CALN1: variants seen among roughly 807,000 people sequenced by gnomAD.
The protein encoded by CALN1 is calneuron 1.
A neutral mutation model predicts 30.6 loss-of-function variants in CALN1; 17 were observed. That is an observed-to-expected ratio of 0.56 (90% confidence interval 0.38 to 0.83). CALN1 has a LOEUF of 0.83. Ranked by LOEUF, CALN1 falls within the 40% of genes least tolerant of loss-of-function variation. CALN1 has a pLI of 0.00. For missense variants in CALN1, 291 were observed against 354.9 expected (o/e 0.82, Z 1.45); for synonymous variants, 156 against 131.4 (o/e 1.19, Z -1.28).
intron 5 of CALN1, among the ~76,000 whole-genome samples, chr7:71,841,485 G>A (rs773959990): frequency 6.7e-6 from 1 of 149,128 alleles, no homozygotes; most frequent in Non-Finnish European, 1.5e-5. Context: ...ACTCAGCCCA[G>A]CAATCTGATT....
intron 4 of CALN1, among the ~76,000 whole-genome samples, chr7:72,040,633 A>T (rs1286968885): frequency 6.6e-6 from 1 of 152,248 alleles, no homozygotes; most frequent in Non-Finnish European, 1.5e-5. Flanking sequence ...AAATTGTCTC[A>T]TAACTATGGA....
chr7:72,295,674 T>C (rs1317200435), intron 2 of CALN1, among the ~76,000 whole-genome samples: 1 of 146,448 alleles, frequency 6.8e-6, no homozygotes, highest in Non-Finnish European at 1.5e-5. Flanking sequence ...TGTCTGTTGT[T>C]GGTGTATAAG....
At chr7:72,473,537 T>A in the CALN1 span, among the ~76,000 whole-genome samples, 2,249 of 152,238 alleles carry the variant, frequency 0.015, 70 homozygotes, top group African/African-American at 0.051. Flanking sequence ...CTCATGTAAA[T>A]GTAAAATGAA....
At chr7:72,128,098 AC>A (rs1808893536) in intron 3 of CALN1, among the ~76,000 whole-genome samples, 1 of 152,114 alleles carries the variant, frequency 6.6e-6, no homozygotes, top group Non-Finnish European at 1.5e-5. Flanking sequence ...AAGTGTGCAC[AC>A]CCTGGACCCA....
At chr7:72,407,969 A>C (rs769974222) in intron 1 of CALN1, among the ~76,000 whole-genome samples, 7 of 152,148 alleles carry the variant, frequency 4.6e-5, no homozygotes, top group Non-Finnish European at 1.0e-4. Flanking sequence ...GAGAGTATCC[A>C]AGAAGGGAGA....
intron 5 of CALN1, among the ~76,000 whole-genome samples, chr7:71,866,873 G>A (rs1562854875): frequency 6.6e-6 from 1 of 152,174 alleles, no homozygotes; most frequent in African/African-American, 2.4e-5. Flanking sequence ...GGCCGAGTGT[G>A]GTGGCTCACG....
intron 2 of CALN1, among the ~76,000 whole-genome samples, chr7:72,375,721 ATCC>A (rs968997636): frequency 5.3e-5 from 8 of 152,154 alleles, no homozygotes; most frequent in African/African-American, 1.9e-4. Flanking sequence ...GCCTCAAGCA[ATCC>A]TCCTGCCTTG....
chr7:72,110,272 A>C (rs1017600429), intron 3 of CALN1, among the ~76,000 whole-genome samples: 13 of 152,156 alleles, frequency 8.5e-5, no homozygotes, highest in Non-Finnish European at 1.5e-5. Flanking sequence ...TGGCCTGGAA[A>C]TGAGGACCCG....
rs34370568 is a variant in CALN1 at position 71,949,044 on chromosome 7, T to TAA, written c.501+74611_501+74612dup. 9.2e-3 allele frequency among the ~76,000 whole-genome samples: 614 copies of TAA among 66,908 alleles called. 16 individuals carry two copies. Among genetic ancestry groups the TAA allele is most frequent in the African/African-American group, 0.035 (573 of 16,296 alleles). 43.9% of individuals were successfully genotyped at this position (66,908 alleles called of 152,430 possible). ...AGTCACACAGCAAGACTCTGTCTCT[T>TAA]AAAAAAAAAAAAAAAAAAAAAAAAA... On this transcript the variant is annotated intron_variant, in intron 5 of 6. Transcript: ENST00000395275.
At chr7:72,165,502 C>G (rs748770384) in intron 3 of CALN1, among the ~76,000 whole-genome samples, 3 of 151,914 alleles carry the variant, frequency 2.0e-5, no homozygotes, top group Non-Finnish European at 4.4e-5. Flanking sequence ...CCAGGAGGAT[C>G]GCTTAAACCC....
chr7:72,272,364 C>G (rs1293936810), intron 3 of CALN1, among the ~76,000 whole-genome samples: 2 of 152,070 alleles, frequency 1.3e-5, no homozygotes, highest in African/African-American at 4.8e-5. Flanking sequence ...AAGTTCGAGA[C>G]CAACCTGGCC....
chr7:72,146,313 G>T (rs201539616), intron 3 of CALN1, among the ~76,000 whole-genome samples: 1 of 152,036 alleles, frequency 6.6e-6, no homozygotes, highest in Non-Finnish European at 1.5e-5. Flanking sequence ...TCACAAGCAT[G>T]CTTATACACC....
intron 5 of CALN1, among the ~76,000 whole-genome samples, chr7:72,016,341 T>C (rs911051067): frequency 1.3e-5 from 2 of 152,024 alleles, no homozygotes; most frequent in African/African-American, 2.4e-5. Flanking sequence ...CATTGTATTA[T>C]AGCTTTTTGT....
At chr7:72,389,163 T>C (rs965766032) in intron 2 of CALN1, among the ~76,000 whole-genome samples, 2 of 152,132 alleles carry the variant, frequency 1.3e-5, no homozygotes, top group African/African-American at 4.8e-5. Flanking sequence ...AAGGTCTCCA[T>C]GGCGGGGCAA....
At chr7:72,182,922 G>A (rs563330538) in intron 3 of CALN1, among the ~76,000 whole-genome samples, 7 of 152,284 alleles carry the variant, frequency 4.6e-5, no homozygotes, top group East Asian at 3.9e-4. Context: ...GAGGAAGGTC[G>A]AACGGGACCA....
chr7:72,067,442 G>A (rs1488660943), intron 4 of CALN1, among the ~76,000 whole-genome samples: 2 of 151,782 alleles, frequency 1.3e-5, no homozygotes, highest in South Asian at 4.2e-4. Flanking sequence ...TACAGACGAG[G>A]TTTTGCTATG....
chr7:72,363,389 C>G (rs1803679135), intron 2 of CALN1, among the ~76,000 whole-genome samples: 1 of 152,214 alleles, frequency 6.6e-6, no homozygotes, highest in African/African-American at 2.4e-5. Flanking sequence ...CAGGCAGGCA[C>G]CACCATGTCC....
chr7:71,846,487 G>T (rs1321357434), intron 5 of CALN1, among the ~76,000 whole-genome samples: 1 of 152,080 alleles, frequency 6.6e-6, no homozygotes, highest in East Asian at 1.9e-4. Flanking sequence ...GTTCCCCAGA[G>T]AAACAGAACT....
chr7:71,907,273 A>C (rs1038271434), intron 5 of CALN1, among the ~76,000 whole-genome samples: 5 of 135,396 alleles, frequency 3.7e-5, no homozygotes, highest in Admixed American at 7.0e-5. Context: ...CACACAACTT[A>C]AGGAAGGCTT....
Sources: gnomAD v4.1 joint callset for allele counts (sites outside exome capture counted in the v4.1 genomes callset) on GRCh38, gnomAD v4.1.1 for gene constraint, MANE v1.5 for transcripts, NCBI Gene and HGNC (gene_info 2026-07-23, HGNC 2026-07-21) for gene names.